Variants in PTPRU observed in about 807,000 individuals in gnomAD.
PTPRU encodes receptor-type tyrosine-protein phosphatase U.
PTPRU carries 69 observed loss-of-function variants against 166.3 expected under a neutral mutation model. That is an observed-to-expected ratio of 0.41 (90% confidence interval 0.34 to 0.51). PTPRU has a LOEUF of 0.51. Ranked by LOEUF, PTPRU falls within the 20% of genes least tolerant of loss-of-function variation. The pLI is 0.09. For missense variants in PTPRU, 1,657 were observed against 2,013.7 expected (o/e 0.82, Z 3.39); for synonymous variants, 793 against 814.0 (o/e 0.97, Z 0.44).
rs1218905849 is a variant in PTPRU at position 29,326,591 on chromosome 1, C to T, written c.*930C>T. The T allele has an allele frequency of 6.6e-6, 1 of 152,370 alleles. No homozygotes were observed. The highest frequency in any genetic ancestry group is 1.5e-5 in the Non-Finnish European group (1 of 68,056). 9.4% of individuals were successfully genotyped at this position (152,370 alleles called of 1,614,324 possible). On this transcript the variant is annotated 3_prime_UTR_variant, in exon 30 of 30. Coordinates refer to ENST00000373779, the MANE Select transcript of PTPRU (RefSeq NM_133178.4). ...CTGGAGTTCAGAGGAAGAGGTAGGACCAGTGCTTTTTTGTTTCTTTTGTTA... is the reference window on the plus strand; with the variant it reads ...CTGGAGTTCAGAGGAAGAGGTAGGATCAGTGCTTTTTTGTTTCTTTTGTTA...
At chr1:29,262,822 T>C (rs1341280041) in intron 7 of PTPRU, among the ~76,000 whole-genome samples, 2 of 152,170 alleles carry the variant, frequency 1.3e-5, no homozygotes, top group African/African-American at 4.8e-5. Context: ...AATTTTGTAC[T>C]CTTTAGCAGT....
Position 29,325,722 on chromosome 1 carries a change from G to A in PTPRU, c.*61G>A. ...GGGCCAGACCCACCATCCTGGACTG[G>A]CGAGGAAGATCAGTGCCTCCTGCTC... On this transcript the variant is annotated 3_prime_UTR_variant, in exon 30 of 30. Transcript: ENST00000373779. 2 of 1,469,382 alleles carry A rather than the reference G, an allele frequency of 1.4e-6. No homozygotes were observed. Among genetic ancestry groups the A allele is most frequent in the Non-Finnish European group, 1.9e-6 (2 of 1,079,250 alleles). 91.0% of individuals were successfully genotyped at this position (1,469,382 alleles called of 1,614,324 possible). A position where few individuals can be genotyped will look rare whatever the true frequency, so the allele number is the denominator to read the frequency against.
chr1:29,311,513 C>G lies in PTPRU; in HGVS notation c.2915C>G (p.Ser972Cys), dbSNP rs773694835. The G allele has an allele frequency of 2.6e-5, 42 of 1,614,010 alleles. No homozygotes were observed. Among genetic ancestry groups the G allele is most frequent in the Non-Finnish European group, 1.2e-5 (14 of 1,180,042 alleles). Residue 972 changes from serine (S) to cysteine (C), a missense_variant, in exon 20 of 30, where the codon TCC becomes TGC. By Grantham distance (112) the Ser-to-Cys change is moderately radical. This residue lies in a region of PTPRU where 1,190 missense variants were observed against 1,477.4 expected (regional missense o/e 0.81). Coordinates refer to ENST00000373779, the MANE Select transcript of PTPRU (RefSeq NM_133178.4). This position sits in a 1 kb window ranked among gnomAD's most constrained non-coding sequence, Gnocchi z 4.1. ...CGTATGGTGTGGCAGGAGCACTGTT[C>G]CAGCATCGTCATGATCACCAAGCTG... is the stretch of plus-strand genomic sequence containing the variant. Reference protein sequence around the residue: ...FWRMVWQEHCSSIVMITKLVE... With the variant: ...FWRMVWQEHCCSIVMITKLVE...
chr1:29,324,966 T>G (rs1190649647), intron 28 of PTPRU, among the ~76,000 whole-genome samples: 3 of 149,336 alleles, frequency 2.0e-5, no homozygotes, highest in Non-Finnish European at 4.5e-5. Context: ...GGCCTCTTCC[T>G]TCTGGGTTCC....
chr1:29,311,857 G>C lies in PTPRU; in HGVS notation c.3072+98G>C. The C allele has an allele frequency of 8.5e-7, 1 of 1,171,966 alleles. No homozygotes were observed. Among genetic ancestry groups the C allele is most frequent in the East Asian group, 2.3e-5 (1 of 42,752 alleles). 72.6% of individuals were successfully genotyped at this position (1,171,966 alleles called of 1,614,324 possible). On this transcript the variant is annotated intron_variant, in intron 21 of 29. Coordinates refer to ENST00000373779, the MANE Select transcript of PTPRU (RefSeq NM_133178.4). This position sits in a 1 kb window ranked among gnomAD's most constrained non-coding sequence, Gnocchi z 4.1. The stretch of plus-strand genomic sequence containing the variant: ...AGCCCTGGGAGCAGGAGGGTGAGGA[G>C]CGCACCACTGCCCATCCCAGCAAGG...
Position 29,279,250 on chromosome 1 carries a change from GC to G in PTPRU, c.1563+131del. The G allele has an allele frequency of 9.8e-7, 1 of 1,023,094 alleles. No individual in the cohort carries two copies. Among genetic ancestry groups the G allele is most frequent in the Non-Finnish European group, 1.5e-6 (1 of 687,746 alleles). The allele number at this position is 1,023,094 out of a possible 1,614,324, so 63.4% of individuals were successfully genotyped here. ...GATTGTCATAGTTTCTTCAACTATGGCCAGGTCTGTGCCCTGTGTATTCTAG... is the reference window on the plus strand; with the variant it reads ...GATTGTCATAGTTTCTTCAACTATGGCAGGTCTGTGCCCTGTGTATTCTAG... On this transcript the variant is annotated intron_variant, in intron 9 of 29. Transcript: ENST00000373779. This position sits in a 1 kb window ranked among gnomAD's most constrained non-coding sequence, Gnocchi z 5.2.
In PTPRU at chr1:29,320,365, G is replaced by A. The variant is rs1012979171; in HGVS notation, c.3688-320G>A. On this transcript the variant is annotated intron_variant, in intron 25 of 29. Transcript: ENST00000373779. The surrounding 1 kb of genome is among the most constrained non-coding windows in gnomAD (Gnocchi z 5.2). ...GCCAAAATAGCAGATGCCGAAGCGCGGAGGCAGGGAGTAAGCTCGGCCAGC... is the reference window on the plus strand; with the variant it reads ...GCCAAAATAGCAGATGCCGAAGCGCAGAGGCAGGGAGTAAGCTCGGCCAGC... The A allele has an allele frequency of 2.2e-4, 61 of 278,332 alleles. No homozygotes were observed. Among genetic ancestry groups the A allele is most frequent in the Non-Finnish European group, 2.9e-4 (44 of 149,638 alleles). The allele number at this position is 278,332 out of a possible 1,614,324, so 17.2% of individuals were successfully genotyped here.
In PTPRU at chr1:29,250,947, A is replaced by T. The variant is rs1239700960; in HGVS notation, c.74-4328A>T. On this transcript the variant is annotated intron_variant, in intron 1 of 29. Coordinates refer to ENST00000373779, the MANE Select transcript of PTPRU (RefSeq NM_133178.4). ...GACATGGGTCAGGGAGAGGGAGTGA[A>T]TCTGGTTAAGGAATCACTCTGAGGC... is the stretch of plus-strand genomic sequence containing the variant. Among the ~76,000 whole-genome samples, 3 of 152,162 alleles carry T rather than the reference A, an allele frequency of 2.0e-5. No individual in the cohort carries two copies. In the East Asian group the frequency reaches 5.8e-4, roughly 29 times the overall value.
chr1:29,239,671 G>A (rs994956770), intron 1 of PTPRU, among the ~76,000 whole-genome samples: 1 of 152,052 alleles, frequency 6.6e-6, no homozygotes, highest in Non-Finnish European at 1.5e-5. Flanking sequence ...AGTTGCAGGG[G>A]GTACCTTGTG....
At chr1:29,269,384 T>C (rs1685461439) in intron 7 of PTPRU, among the ~76,000 whole-genome samples, 1 of 149,072 alleles carries the variant, frequency 6.7e-6, no homozygotes, top group South Asian at 2.2e-4. Context: ...CAGGAGCCAG[T>C]GCATCCAGCC....
chr1:29,284,200 A>T (rs1055654308), intron 13 of PTPRU, among the ~76,000 whole-genome samples: 1 of 152,074 alleles, frequency 6.6e-6, no homozygotes, highest in East Asian at 1.9e-4. Flanking sequence ...GAGAGGAGCC[A>T]TTATAGTTGG....
intron 1 of PTPRU, among the ~76,000 whole-genome samples, chr1:29,244,932 G>A (rs977471247): frequency 3.3e-5 from 5 of 152,158 alleles, no homozygotes; most frequent in African/African-American, 1.2e-4. Context: ...ATGAAGTCCA[G>A]GCCTGGGAGG....
chr1:29,283,863 C>A, intron 12 of PTPRU, 77 bp from the exon 13 acceptor site: 1 of 1,549,572 alleles, frequency 6.5e-7, no homozygotes, highest in Non-Finnish European at 8.9e-7. Context: ...GCCCAAGAAA[C>A]GCTGTCTGAG....
At chr1:29,304,968 T>C in intron 17 of PTPRU, 119 bp downstream of exon 17, 1 of 840,384 alleles carries the variant, frequency 1.2e-6, no homozygotes, top group East Asian at 2.7e-5. Context: ...GGCCACCTTT[T>C]ATTGAGGGCC....
At position 29,260,038 on chromosome 1, in the gene PTPRU, G is replaced by C; in HGVS notation, c.844G>C (p.Val282Leu). The C allele has an allele frequency of 6.9e-7, 1 of 1,448,020 alleles. No individual in the cohort carries two copies. The highest frequency in any genetic ancestry group is 9.0e-7 in the Non-Finnish European group (1 of 1,106,412). The allele number at this position is 1,448,020 out of a possible 1,614,324, so 89.7% of individuals were successfully genotyped here. ...AGVSNFAELIVKEPPTPIAPP... is the reference protein window; with the variant it reads ...AGVSNFAELILKEPPTPIAPP... Reference sequence around the variant, plus strand: ...CGTCTCTAACTTCGCGGAGCTCATCGTCAAGGGTCAGCTGGTGGACGCCGG... The same window carrying C: ...CGTCTCTAACTTCGCGGAGCTCATCCTCAAGGGTCAGCTGGTGGACGCCGG... The change falls in exon 6 of 30, where the codon GTC becomes CTC. Residue 282 changes from valine (V) to leucine (L), a missense_variant. Val to Leu is a conservative substitution (Grantham distance 32). Transcript: ENST00000373779. The surrounding 1 kb of genome is among the most constrained non-coding windows in gnomAD (Gnocchi z 8.3).
In PTPRU at chr1:29,279,707, C is replaced by G. The variant is rs535751308; in HGVS notation, c.1765+50C>G. The G allele has an allele frequency of 6.3e-7, 1 of 1,581,408 alleles. No homozygotes were observed. Among genetic ancestry groups the G allele is most frequent in the African/African-American group, 1.3e-5 (1 of 74,350 alleles). ...GCCTCTTCGGAGGTGGCCCAGAATC[C>G]CAGGGTTCCATGGGCAGAAGGGAAA... On this transcript the variant is annotated intron_variant, in intron 10 of 29. Coordinates refer to ENST00000373779, the MANE Select transcript of PTPRU (RefSeq NM_133178.4). The surrounding 1 kb of genome is among the most constrained non-coding windows in gnomAD (Gnocchi z 5.2).
rs76996535 is a variant in PTPRU, at chr1:29,283,035, G to C, written c.2142+86G>C. 2.0e-3 allele frequency: 3,045 copies of C among 1,541,624 alleles called. 57 individuals carry two copies. In the African/African-American group the frequency reaches 0.037, roughly 19 times the overall value. ...GATACCTTGGAGCAGGCCCAGCGCA[G>C]ACTCCAGGCCCGGCACTTCCCATAG... On this transcript the variant is annotated intron_variant, in intron 12 of 29. Transcript: ENST00000373779.
intron 18 of PTPRU, chr1:29,306,991 G>GCCCA: frequency 1.2e-6 from 1 of 855,028 alleles, no homozygotes. Flanking sequence ...AGCCCAGCCC[G>GCCCA]GCCTGCCCGT....
At chr1:29,312,061 G>A (rs1231475146) in intron 21 of PTPRU, among the ~76,000 whole-genome samples, 1 of 152,248 alleles carries the variant, frequency 6.6e-6, no homozygotes, top group Non-Finnish European at 1.5e-5. Flanking sequence ...AAAGCTCCGT[G>A]TGATTAGCCC....
Sources: allele counts gnomAD v4.1 joint callset (sites outside exome capture counted in the v4.1 genomes callset), GRCh38; gene constraint gnomAD v4.1.1; regional missense constraint gnomAD v4.1.1; non-coding constraint Gnocchi (gnomAD v3.1); transcripts MANE v1.5; gene names NCBI Gene and HGNC (gene_info 2026-07-23, HGNC 2026-07-21).